The following TMTC1 variants were observed in gnomAD, a reference collection of about 807,000 sequenced individuals.
TMTC1 encodes the protein protein O-mannosyl-transferase TMTC1.
TMTC1 carries 73 observed loss-of-function variants against 104.8 expected under a neutral mutation model. That is an observed-to-expected ratio of 0.70 (90% CI 0.58 to 0.85). The LOEUF is 0.85. Among genes scored for constraint, TMTC1 ranks in the 40% least tolerant of loss-of-function variants. The pLI, the probability that TMTC1 is intolerant of heterozygous loss-of-function variation, is 0.00. For missense variants in TMTC1, 1,035 were observed against 1,096.1 expected, an observed-to-expected ratio of 0.94 and a Z score of 0.79; for synonymous variants, 434 against 428.7, an observed-to-expected ratio of 1.01 and a Z score of -0.15.
At chr12:29,712,227 G>A (rs1002739451) in intron 5 of TMTC1, among the ~76,000 whole-genome samples, 2 of 152,218 alleles carry the variant, frequency 1.3e-5, no homozygotes, top group South Asian at 2.1e-4. Context: ...CACTGTGGTC[G>A]TATATGTGTG....
chr12:29,774,064 G>A (rs192937291), intron 1 of TMTC1, among the ~76,000 whole-genome samples: 26 of 152,138 alleles, frequency 1.7e-4, no homozygotes, highest in African/African-American at 5.5e-4. Context: ...TGTGATAAAC[G>A]CATGCCAGCA....
chr12:29,523,849 C>T (rs539058935), intron 11 of TMTC1, among the ~76,000 whole-genome samples: 1 of 152,154 alleles, frequency 6.6e-6, no homozygotes, highest in East Asian at 1.9e-4. Context: ...TTGATTATGT[C>T]ACACTTAGCA....
At chr12:29,539,906 C>T (rs968888936) in intron 10 of TMTC1, among the ~76,000 whole-genome samples, 14 of 152,312 alleles carry the variant, frequency 9.2e-5, no homozygotes, top group South Asian at 6.2e-4. Context: ...GTTCTTCCCA[C>T]ACCACTTCAC....
intron 7 of TMTC1, among the ~76,000 whole-genome samples, chr12:29,601,826 A>T (rs1242370003): frequency 6.6e-6 from 1 of 151,480 alleles, no homozygotes; most frequent in Non-Finnish European, 1.5e-5. Context: ...TAAGTTTTAT[A>T]TATAATCATC....
At chr12:29,765,852 C>T (rs913869692) in intron 2 of TMTC1, among the ~76,000 whole-genome samples, 6 of 152,164 alleles carry the variant, frequency 3.9e-5, no homozygotes, top group African/African-American at 1.4e-4. Flanking sequence ...CCTGTTACAG[C>T]AATGACTTTA....
At chr12:29,510,181 T>C (rs1308305296) in intron 17 of TMTC1, among the ~76,000 whole-genome samples, 1 of 152,214 alleles carries the variant, frequency 6.6e-6, no homozygotes, top group Non-Finnish European at 1.5e-5. Flanking sequence ...ATATAGCCTA[T>C]GGATTCGAGA....
chr12:29,641,014 C>T (rs1938821010), intron 5 of TMTC1: 1 of 152,094 alleles, frequency 6.6e-6, no homozygotes, highest in Admixed American at 6.5e-5. Flanking sequence ...CAGAGGCAGC[C>T]GTAATCCTCC....
At chr12:29,699,004 A>T (rs560115725) in intron 5 of TMTC1, among the ~76,000 whole-genome samples, 38 of 152,204 alleles carry the variant, frequency 2.5e-4, no homozygotes, top group Admixed American at 1.1e-3. Context: ...TGAGGTTATA[A>T]ATCTACCATC....
intron 9 of TMTC1, among the ~76,000 whole-genome samples, chr12:29,561,726 A>C (rs188832815): frequency 1.4e-3 from 211 of 152,298 alleles, no homozygotes; most frequent in Non-Finnish European, 2.0e-3. Flanking sequence ...TCATTATCTG[A>C]GTGCCGTATA....
At chr12:29,682,536 A>G (rs1215037785) in intron 5 of TMTC1, among the ~76,000 whole-genome samples, 3 of 152,262 alleles carry the variant, frequency 2.0e-5, no homozygotes, top group Non-Finnish European at 4.4e-5. Context: ...AACAAACTAT[A>G]GTACATCTGT....
chr12:29,782,819 C>A (rs1038077857), intron 1 of TMTC1: 5 of 152,214 alleles, frequency 3.3e-5, no homozygotes, highest in East Asian at 1.9e-4. Flanking sequence ...CCTCTCTCTG[C>A]ACCTTCTAAA....
intron 5 of TMTC1, among the ~76,000 whole-genome samples, chr12:29,718,755 A>C (rs1229446170): frequency 1.3e-5 from 2 of 152,070 alleles, no homozygotes; most frequent in Non-Finnish European, 2.9e-5. Context: ...AACACGGTGA[A>C]ACCCCGTCTC....
chr12:29,750,584 CAT>C (rs1943066354), intron 5 of TMTC1, among the ~76,000 whole-genome samples: 1 of 152,124 alleles, frequency 6.6e-6, no homozygotes, highest in Admixed American at 6.5e-5. Context: ...AAAAAACAAA[CAT>C]AGGCAAAGGC....
At chr12:29,707,006 C>T (rs1365702403) in intron 5 of TMTC1, among the ~76,000 whole-genome samples, 1 of 152,200 alleles carries the variant, frequency 6.6e-6, no homozygotes, top group Non-Finnish European at 1.5e-5. Flanking sequence ...TAACAGTGTT[C>T]CAACCCTGAA....
intron 10 of TMTC1, among the ~76,000 whole-genome samples, chr12:29,553,906 G>A (rs1592222541): frequency 1.3e-5 from 2 of 152,246 alleles, no homozygotes; most frequent in South Asian, 4.1e-4. Context: ...GCCAAATTCA[G>A]CACCATATTA....
intron 5 of TMTC1, among the ~76,000 whole-genome samples, chr12:29,691,326 G>A (rs909717698): frequency 6.6e-6 from 1 of 151,898 alleles, no homozygotes; most frequent in Non-Finnish European, 1.5e-5. Context: ...AATTCACTTC[G>A]ACTTCCTGTG....
Position 29,506,057 on chromosome 12 carries a change from C to T in TMTC1, c.*789G>A, listed in dbSNP as rs910646462. On this transcript the variant is annotated 3_prime_UTR_variant, in exon 18 of 18. Transcript: ENST00000539277. ...ACCAAAATAACAATATATTTGCAGGCGGGAACATGTATGATTTTAAATGCA... is the reference window on the plus strand; with the variant it reads ...ACCAAAATAACAATATATTTGCAGGTGGGAACATGTATGATTTTAAATGCA... 37 of 151,994 alleles carry T rather than the reference C, an allele frequency of 2.4e-4. No individual in the cohort carries two copies. Among genetic ancestry groups the T allele is most frequent in the East Asian group, 1.9e-3 (10 of 5,176 alleles). 9.4% of individuals were successfully genotyped at this position (151,994 alleles called of 1,614,324 possible).
intron 5 of TMTC1, among the ~76,000 whole-genome samples, chr12:29,701,922 TTC>T (rs1478045005): frequency 6.6e-6 from 1 of 152,200 alleles, no homozygotes; most frequent in Non-Finnish European, 1.5e-5. Flanking sequence ...CCAATACCAC[TTC>T]TCTAACTTGG....
chr12:29,706,523 G>A (rs1941749390), intron 5 of TMTC1, among the ~76,000 whole-genome samples: 1 of 152,124 alleles, frequency 6.6e-6, no homozygotes, highest in African/African-American at 2.4e-5. Context: ...TCAGGATTCA[G>A]TCGGGAAGTA....
Sources: allele counts gnomAD v4.1 joint callset (sites outside exome capture counted in the v4.1 genomes callset), GRCh38; gene constraint gnomAD v4.1.1; transcripts MANE v1.5; gene names NCBI Gene and HGNC (gene_info 2026-07-23, HGNC 2026-07-21).